DACT3: variants seen among roughly 807,000 people sequenced by gnomAD.
The protein encoded by DACT3 is dapper homolog 3.
Under a neutral mutation model 19.6 loss-of-function variants are expected in DACT3, and 5 were observed. The ratio of observed to expected loss-of-function variants is 0.26; its 90% CI spans 0.13 to 0.54. The LOEUF (loss-of-function observed/expected upper bound fraction) is 0.54. Ranked by LOEUF, DACT3 falls within the 20% of genes least tolerant of loss-of-function variation. The probability of loss-of-function intolerance (pLI) is 0.95; values close to 1 mark genes in which losing one functional copy is unlikely to be tolerated. For missense variants in DACT3, 908 were observed against 927.4 expected, an observed-to-expected ratio of 0.98 and a Z score of 0.27; for synonymous variants, 454 against 428.1, an observed-to-expected ratio of 1.06 and a Z score of -0.75.
At chr19:46,655,770 G>T (rs1346072917) in intron 1 of DACT3, among the ~76,000 whole-genome samples, 2 of 152,006 alleles carry the variant, frequency 1.3e-5, no homozygotes, top group Non-Finnish European at 2.9e-5. Flanking sequence ...CAAAGTGGGT[G>T]CTCAGGAAAT....
chr19:46,657,346 C>CTTTTTTTTTTTTT (rs71177239), intron 1 of DACT3, among the ~76,000 whole-genome samples: 3 of 69,388 alleles, frequency 4.3e-5, no homozygotes, highest in African/African-American at 6.0e-5. Context: ...AAATGAGTTT[C>CTTTTTTTTTTTTT]TTTTTTTTTT....
Position 46,649,567 on chromosome 19 carries a change from G to C in DACT3, c.805C>G (p.Arg269Gly). 4.7e-6 allele frequency: 5 copies of C among 1,074,496 alleles called. No individual in the cohort carries two copies. Among genetic ancestry groups the C allele is most frequent in the Non-Finnish European group, 5.6e-6 (5 of 885,768 alleles). The allele number at this position is 1,074,496 out of a possible 1,614,324, so 66.6% of individuals were successfully genotyped here. Residue 269 changes from arginine (R) to glycine (G), a missense_variant, in exon 4 of 4, where the codon CGG (arginine) becomes GGG (glycine). Coordinates refer to ENST00000391916, the MANE Select transcript of DACT3 (RefSeq NM_145056.3). ...CCGTCCGCGCCCCCGGGACTGGTCC[G>C]GGGCTGGCCCGCCCCCCGGCGGCGG... ...RRRRRGAGQP[R>G]TSPGGADGGP... is the part of the protein sequence containing the mutation.
chr19:46,648,455 A>AG lies in DACT3; in HGVS notation c.*26dup, dbSNP rs1324962059. 2 of 1,613,640 alleles carry AG rather than the reference A, an allele frequency of 1.2e-6. No homozygotes were observed. Among genetic ancestry groups the AG allele is most frequent in the Admixed American group, 1.7e-5 (1 of 60,006 alleles). ...GAGTGTGGAGGTGCAGAGGCCATGA[A>AG]GGGGGAGCCCAAGCAAATCCCCAAA... On this transcript the variant is annotated 3_prime_UTR_variant, in exon 4 of 4. Coordinates refer to ENST00000391916, the MANE Select transcript of DACT3 (RefSeq NM_145056.3). The surrounding 1 kb of genome is among the most constrained non-coding windows in gnomAD (Gnocchi z 5.1).
intron 1 of DACT3, chr19:46,653,936 A>G: frequency 1.0e-6 from 1 of 971,816 alleles, no homozygotes; most frequent in Non-Finnish European, 1.2e-6. Flanking sequence ...GTCTTCCTTA[A>G]GTCCTTCCTG....
At position 46,649,684 on chromosome 19, in the gene DACT3, G is replaced by T. The variant is rs570524067; in HGVS notation, c.688C>A (p.Arg230=). The T allele has an allele frequency of 0.012, 13,693 of 1,184,230 alleles. 102 individuals carry two copies. The highest frequency in any genetic ancestry group is 0.015 in the Admixed American group (329 of 21,782). 73.4% of individuals were successfully genotyped at this position (1,184,230 alleles called of 1,614,324 possible). A position where few individuals can be genotyped will look rare whatever the true frequency, so the allele number is the denominator to read the frequency against. The change falls in exon 4 of 4, where the codon CGG becomes AGG. Residue 230 remains arginine, a synonymous_variant. Coordinates refer to ENST00000391916, the MANE Select transcript of DACT3 (RefSeq NM_145056.3). Reference sequence around the variant, plus strand: ...TCGGTGGGAGGGCGGCCGCAGGGCCGCGGGCTGCGCATCGCCACGGCGTGC... The same window carrying T: ...TCGGTGGGAGGGCGGCCGCAGGGCCTCGGGCTGCGCATCGCCACGGCGTGC... The part of the protein sequence containing the change: ...PLHAVAMRSP[R]PCGRPPTDSP...
intron 2 of DACT3, 73 bp downstream of exon 2, chr19:46,652,906 G>A (rs956935667): frequency 2.1e-5 from 33 of 1,542,568 alleles, no homozygotes; most frequent in Admixed American, 9.9e-5. Flanking sequence ...AGAGACACAG[G>A]GGGCCTCAGA....
intron 1 of DACT3, among the ~76,000 whole-genome samples, chr19:46,653,605 G>A (rs2053008053): frequency 6.8e-6 from 1 of 147,106 alleles, no homozygotes; most frequent in African/African-American, 2.5e-5. Flanking sequence ...CTAGGCTGGA[G>A]GGCAGTGGCG....
rs764020869 is a variant in DACT3 at position 46,660,773 on chromosome 19, C to T, written c.249+43G>A. On this transcript the variant is annotated intron_variant, in intron 1 of 3. Coordinates refer to ENST00000391916, the MANE Select transcript of DACT3 (RefSeq NM_145056.3). This position sits in a 1 kb window ranked among gnomAD's most constrained non-coding sequence, Gnocchi z 4.9. ...TGAGCATCCAACCGAGACAGACAGACACAGACGGGGGTGGAGGGACGGACG... is the reference window on the plus strand; with the variant it reads ...TGAGCATCCAACCGAGACAGACAGATACAGACGGGGGTGGAGGGACGGACG... 3 of 1,443,636 alleles carry T rather than the reference C, an allele frequency of 2.1e-6. No individual in the cohort carries two copies. Among genetic ancestry groups the T allele is most frequent in the South Asian group, 2.8e-5 (2 of 70,980 alleles). 89.4% of individuals were successfully genotyped at this position (1,443,636 alleles called of 1,614,324 possible).
intron 1 of DACT3, among the ~76,000 whole-genome samples, chr19:46,653,537 AT>A (rs1157192686): frequency 4.5e-5 from 3 of 67,160 alleles, no homozygotes; most frequent in Non-Finnish European, 8.9e-5. Context: ...TTCTTTTTTT[AT>A]TTTTATTTAT....
intron 1 of DACT3, among the ~76,000 whole-genome samples, chr19:46,658,096 GAATA>G (rs113444300): frequency 0.017 from 2,654 of 151,984 alleles, 65 homozygotes; most frequent in African/African-American, 0.057. Flanking sequence ...CTGTCTCAAT[GAATA>G]AATAAATAAA....
intron 1 of DACT3, among the ~76,000 whole-genome samples, chr19:46,655,350 G>A (rs537005872): frequency 6.6e-6 from 1 of 152,240 alleles, no homozygotes; most frequent in African/African-American, 2.4e-5. Context: ...GGTGGCTCAC[G>A]CCTGTAATCC....
At chr19:46,650,818 A>C (rs1599788681) in intron 3 of DACT3, 3 of 152,144 alleles carry the variant, frequency 2.0e-5, no homozygotes, top group Middle Eastern at 6.8e-3. Context: ...TCCAGATTCC[A>C]GATGCCCGGA....
rs1335286245 is a variant in DACT3, at chr19:46,649,075, G to C, written c.1297C>G (p.Arg433Gly). The change falls in exon 4 of 4, where the codon CGC (arginine) becomes GGC (glycine). Residue 433 changes from arginine (R) to glycine (G), a missense_variant. Arg to Gly is a moderately radical substitution (Grantham distance 125, BLOSUM62 -2). Around this residue, in one of 2 missense-constraint regions of DACT3, gnomAD observed 656 missense variants for 601.8 expected, o/e 1.09. Coordinates refer to ENST00000391916, the MANE Select transcript of DACT3 (RefSeq NM_145056.3). ...GGCCCCGAAGGGACCGCGGAGGCGC[G>C]GCCCAGCAGGCTGGTCTCAGACTGG... ...RSQSETSLLG[R>G]ASAVPSGPPK... is the part of the protein sequence containing the mutation. 1 of 1,290,966 alleles carries C rather than the reference G, an allele frequency of 7.7e-7. No individual in the cohort carries two copies. Among genetic ancestry groups the C allele is most frequent in the South Asian group, 2.2e-5 (1 of 45,796 alleles). The allele number at this position is 1,290,966 out of a possible 1,614,324, so 80.0% of individuals were successfully genotyped here. A position where few individuals can be genotyped will look rare whatever the true frequency, so the allele number is the denominator to read the frequency against.
In DACT3 at chr19:46,661,155, C is replaced by G. The variant is rs902572165; in HGVS notation, c.-91G>C. On this transcript the variant is annotated 5_prime_UTR_variant, in exon 1 of 4. Transcript: ENST00000391916. Reference sequence around the variant, plus strand: ...CGCCCCAGCAGCCTGCCCGCCCGCCCGCTGGCCGGGCTGTCACCGTCTCAT... The same window carrying G: ...CGCCCCAGCAGCCTGCCCGCCCGCCGGCTGGCCGGGCTGTCACCGTCTCAT... The G allele has an allele frequency of 2.4e-6, 3 of 1,272,110 alleles. No homozygotes were observed. The highest frequency in any genetic ancestry group is 1.6e-5 in the African/African-American group (1 of 63,606). The allele number at this position is 1,272,110 out of a possible 1,614,324, so 78.8% of individuals were successfully genotyped here.
In DACT3 at chr19:46,656,061, AT is replaced by A. The variant is rs573040942; in HGVS notation, c.250-2987del. Among the ~76,000 whole-genome samples, 22 of 147,102 alleles carry A rather than the reference AT, an allele frequency of 1.5e-4. 1 individual carries two copies. The South Asian group carries it at 3.5e-3, about 23-fold the overall frequency. On this transcript the variant is annotated intron_variant, in intron 1 of 3. Coordinates refer to ENST00000391916, the MANE Select transcript of DACT3 (RefSeq NM_145056.3). ...ATGAAATTTATTTATTTATTTATTT[AT>A]TTATTTATTTATTTTTGAGATGGAA...
Position 46,649,527 on chromosome 19 carries a change from T to C in DACT3, c.845A>G (p.Gln282Arg). The C allele has an allele frequency of 9.4e-7, 1 of 1,063,310 alleles. No individual in the cohort carries two copies. Among genetic ancestry groups the C allele is most frequent in the South Asian group, 4.4e-5 (1 of 22,910 alleles). 65.9% of individuals were successfully genotyped at this position (1,063,310 alleles called of 1,614,324 possible). The change falls in exon 4 of 4, where the codon CAG becomes CGG. Residue 282 changes from glutamine (Q) to arginine (R), a missense_variant. Transcript: ENST00000391916. ...GGGCGGCCGCTGGCGCACGCTGTTCTGGCGCCGCGGGCCGCCGTCCGCGCC... is the reference window on the plus strand; with the variant it reads ...GGGCGGCCGCTGGCGCACGCTGTTCCGGCGCCGCGGGCCGCCGTCCGCGCC... ...PGGADGGPRR[Q>R]NSVRQRPPDA...
chr19:46,653,529 C>CT (rs1282123187), intron 1 of DACT3, among the ~76,000 whole-genome samples: 5 of 83,968 alleles, frequency 6.0e-5, no homozygotes, highest in African/African-American at 2.5e-4. Flanking sequence ...CCAAGTTTTT[C>CT]TTTTTTTATT....
chr19:46,656,394 C>T (rs553239433), intron 1 of DACT3, among the ~76,000 whole-genome samples: 1 of 152,154 alleles, frequency 6.6e-6, no homozygotes, highest in African/African-American at 2.4e-5. Context: ...TCTCACCAGG[C>T]TGGACTGCAG....
At chr19:46,659,582 A>AG (rs773277535) in intron 1 of DACT3, 125 of 316,372 alleles carry the variant, frequency 4.0e-4, no homozygotes, top group Admixed American at 1.6e-3. Context: ...AAGAATGTGC[A>AG]GGGGGGTCCC....
Sources: gnomAD v4.1 joint callset for allele counts (sites outside exome capture counted in the v4.1 genomes callset) on GRCh38, gnomAD v4.1.1 for gene constraint, gnomAD v4.1.1 regional missense constraint, Gnocchi (gnomAD v3.1) non-coding constraint, MANE v1.5 for transcripts, NCBI Gene and HGNC (gene_info 2026-07-23, HGNC 2026-07-21) for gene names.